Variants in SP4 observed in about 807,000 individuals in gnomAD.
SP4 encodes transcription factor Sp4.
A neutral mutation model predicts 72.8 loss-of-function variants in SP4; 19 were observed. That is an observed-to-expected ratio of 0.26 (90% CI 0.18 to 0.38). SP4 has a LOEUF of 0.38. SP4 is among the 10% of genes least tolerant of loss of function. The pLI is 1.00. For synonymous variants in SP4, 395 were observed against 333.1 expected (o/e 1.19, Z -2.02); for missense variants, 1,008 against 926.3 (o/e 1.09, Z -1.14).
chr7:21,440,836 C>T (rs567510031), intron 3 of SP4, among the ~76,000 whole-genome samples: 2 of 151,990 alleles, frequency 1.3e-5, no homozygotes, highest in Admixed American at 6.6e-5. Flanking sequence ...GGCAACAGAA[C>T]GGGACCCTGT....
intron 3 of SP4, among the ~76,000 whole-genome samples, chr7:21,476,299 A>G (rs886785875): frequency 1.4e-5 from 2 of 145,828 alleles, no homozygotes; most frequent in African/African-American, 5.0e-5. Flanking sequence ...AAAAAAAAGC[A>G]TTGTATTTCA....
intron 5 of SP4, among the ~76,000 whole-genome samples, chr7:21,484,404 A>G (rs914916554): frequency 2.6e-5 from 4 of 151,844 alleles, no homozygotes; most frequent in African/African-American, 7.2e-5. Context: ...TCGTGTCAAC[A>G]CTCAAAAAGT....
At chr7:21,506,022 T>G (rs1346044648) in intron 5 of SP4, among the ~76,000 whole-genome samples, 1 of 152,188 alleles carries the variant, frequency 6.6e-6, no homozygotes, top group African/African-American at 2.4e-5. Context: ...TTACTTTTAT[T>G]TGTCCTTCCT....
intron 3 of SP4, among the ~76,000 whole-genome samples, chr7:21,456,298 A>G (rs1381245168): frequency 2.0e-5 from 3 of 152,196 alleles, no homozygotes; most frequent in African/African-American, 7.2e-5. Flanking sequence ...AACTGCTTCA[A>G]AAGACACTGG....
chr7:21,471,264 T>G, intron 3 of SP4: 1 of 364,686 alleles, frequency 2.7e-6, no homozygotes, highest in Non-Finnish European at 5.7e-6. Context: ...TTTGGGGAGC[T>G]AGGTCTGCAA....
rs1583455014 is a variant in SP4, at chr7:21,511,285, A to G, written c.*16A>G. 6.2e-7 allele frequency: 1 copy of G among 1,611,454 alleles called. No individual in the cohort carries two copies. The highest frequency in any genetic ancestry group is 8.5e-7 in the Non-Finnish European group (1 of 1,178,576). ...AGAATTCTGAAAAGTTATTTATAAC[A>G]GAGACCTCTAGTGCTGCACTTGTTT... On this transcript the variant is annotated 3_prime_UTR_variant, in exon 6 of 6. Transcript: ENST00000222584.
chr7:21,467,849 A>G (rs1200329729), intron 3 of SP4, among the ~76,000 whole-genome samples: 1 of 82,140 alleles, frequency 1.2e-5, no homozygotes, highest in Non-Finnish European at 3.0e-5. Context: ...GTTTTTCCTG[A>G]TCAGTTATAT....
intron 3 of SP4, among the ~76,000 whole-genome samples, chr7:21,437,523 G>A (rs1343528805): frequency 6.6e-6 from 1 of 152,014 alleles, no homozygotes. Context: ...CAAATACCAG[G>A]TTGAAGGATG....
chr7:21,447,833 G>A (rs530108299), intron 3 of SP4, among the ~76,000 whole-genome samples: 1 of 152,232 alleles, frequency 6.6e-6, no homozygotes, highest in South Asian at 2.1e-4. Context: ...GCAGGCATGT[G>A]CTACCACACC....
At chr7:21,495,298 A>C (rs939625232) in intron 5 of SP4, among the ~76,000 whole-genome samples, 3 of 152,186 alleles carry the variant, frequency 2.0e-5, no homozygotes, top group Admixed American at 1.3e-4. Context: ...GAAAACTCTT[A>C]ACAGATACAG....
intron 3 of SP4, among the ~76,000 whole-genome samples, chr7:21,465,718 T>C (rs980438379): frequency 5.3e-5 from 8 of 152,108 alleles, no homozygotes; most frequent in African/African-American, 1.9e-4. Flanking sequence ...ATAAAAAATT[T>C]AGCTGGGTAT....
intron 5 of SP4, chr7:21,482,904 C>A: frequency 4.0e-6 from 1 of 248,468 alleles, no homozygotes; most frequent in Non-Finnish European, 6.4e-6. Flanking sequence ...TATATTAATT[C>A]ATTCCCATAC....
At chr7:21,461,727 C>T (rs1175089615) in intron 3 of SP4, among the ~76,000 whole-genome samples, 1 of 152,220 alleles carries the variant, frequency 6.6e-6, no homozygotes, top group Non-Finnish European at 1.5e-5. Context: ...TCCTCAAGCG[C>T]AGCCAGAATG....
intron 3 of SP4, among the ~76,000 whole-genome samples, chr7:21,457,755 A>AT (rs1389544729): frequency 2.0e-5 from 3 of 150,556 alleles, no homozygotes; most frequent in Admixed American, 6.6e-5. Context: ...ACCCACTGTT[A>AT]TTTTTTTTTC....
intron 5 of SP4, among the ~76,000 whole-genome samples, chr7:21,486,579 AATG>A (rs1235383720): frequency 6.6e-6 from 1 of 152,122 alleles, no homozygotes; most frequent in Non-Finnish European, 1.5e-5. Context: ...AATGTTTTCT[AATG>A]ATTAGAGTAA....
chr7:21,443,175 C>A (rs1783315154), intron 3 of SP4, among the ~76,000 whole-genome samples: 1 of 152,208 alleles, frequency 6.6e-6, no homozygotes, highest in South Asian at 2.1e-4. Context: ...TCTATTTTTT[C>A]TCACACCTTG....
chr7:21,431,428 C>T (rs980396952), intron 3 of SP4, among the ~76,000 whole-genome samples: 20 of 152,108 alleles, frequency 1.3e-4, no homozygotes, highest in African/African-American at 4.8e-4. Flanking sequence ...TTTATGCCTA[C>T]TTTTATGCTA....
chr7:21,465,370 C>A (rs1255135965), intron 3 of SP4, among the ~76,000 whole-genome samples: 2 of 152,120 alleles, frequency 1.3e-5, no homozygotes, highest in Non-Finnish European at 2.9e-5. Context: ...AGAATATAGC[C>A]AACCAGAAAA....
intron 3 of SP4, among the ~76,000 whole-genome samples, chr7:21,436,921 C>T (rs985825659): frequency 6.6e-6 from 1 of 152,180 alleles, no homozygotes; most frequent in African/African-American, 2.4e-5. Context: ...AAATGACCCT[C>T]TTATATTTGA....
Sources: gnomAD v4.1 joint callset for allele counts (sites outside exome capture counted in the v4.1 genomes callset) on GRCh38, gnomAD v4.1.1 for gene constraint, MANE v1.5 for transcripts, NCBI Gene and HGNC (gene_info 2026-07-23, HGNC 2026-07-21) for gene names.